MTMR12: variants seen among roughly 807,000 people sequenced by gnomAD.
MTMR12 encodes myotubularin-related protein 12.
A neutral mutation model predicts 96.7 loss-of-function variants in MTMR12; 33 were observed. The observed-to-expected ratio is 0.34, with a 90% confidence interval of 0.26 to 0.46. The LOEUF (loss-of-function observed/expected upper bound fraction) is 0.46. Ranked by LOEUF, MTMR12 falls within the 20% of genes least tolerant of loss-of-function variation. The probability of loss-of-function intolerance (pLI) is 1.00; values close to 1 mark genes in which losing one functional copy is unlikely to be tolerated. For missense variants in MTMR12, 721 were observed against 896.1 expected (o/e 0.80, Z 2.49); for synonymous variants, 298 against 327.2 (o/e 0.91, Z 0.96).
chr5:32,308,831 T>C (rs1476159695), intron 1 of MTMR12, among the ~76,000 whole-genome samples: 2 of 152,198 alleles, frequency 1.3e-5, no homozygotes, highest in Non-Finnish European at 2.9e-5. Flanking sequence ...TCTGGATCTC[T>C]TGGCCTCATG....
intron 2 of MTMR12, among the ~76,000 whole-genome samples, chr5:32,275,763 A>G (rs1344971021): frequency 6.6e-6 from 1 of 152,230 alleles, no homozygotes; most frequent in Non-Finnish European, 1.5e-5. Flanking sequence ...TTCTGAATCT[A>G]TAACACCAAG....
At chr5:32,303,971 G>A (rs1321610258) in intron 1 of MTMR12, among the ~76,000 whole-genome samples, 4 of 151,580 alleles carry the variant, frequency 2.6e-5, no homozygotes, top group Non-Finnish European at 5.9e-5. Context: ...TATGGATCAA[G>A]CATAATATCT....
At chr5:32,290,648 C>A (rs1344026273) in intron 1 of MTMR12, among the ~76,000 whole-genome samples, 1 of 152,178 alleles carries the variant, frequency 6.6e-6, no homozygotes, top group Non-Finnish European at 1.5e-5. Context: ...GGAGATGGCT[C>A]TGTAACAAGT....
Position 32,276,734 on chromosome 5 carries a change from G to A in MTMR12, c.90C>T (p.His30=), listed in dbSNP as rs922386918. 3.1e-6 allele frequency: 5 copies of A among 1,613,404 alleles called. No individual in the cohort carries two copies. In the East Asian group the frequency reaches 6.7e-5, roughly 22 times the overall value. Reference sequence around the variant, plus strand: ...TCTCTGTTACTTCCTTTTCGTTTGTGTGAATTTCCTAAAAGAGAAGAGCAA... The same window carrying A: ...TCTCTGTTACTTCCTTTTCGTTTGTATGAATTTCCTAAAAGAGAAGAGCAA... ...FVSYVRPEEI[H]TNEKEVTEKE... The change falls in exon 2 of 16, where the codon CAC becomes CAT. Residue 30 remains histidine (H), a synonymous_variant. Coordinates refer to ENST00000382142, the MANE Select transcript of MTMR12 (RefSeq NM_001040446.3).
At chr5:32,281,085 T>G (rs1055787952) in intron 1 of MTMR12, among the ~76,000 whole-genome samples, 37 of 151,576 alleles carry the variant, frequency 2.4e-4, no homozygotes, top group African/African-American at 8.7e-4. Flanking sequence ...ACGTCTCTAC[T>G]GAAAATACAA....
At chr5:32,282,641 A>G (rs1351823814) in intron 1 of MTMR12, among the ~76,000 whole-genome samples, 1 of 152,124 alleles carries the variant, frequency 6.6e-6, no homozygotes, top group Non-Finnish European at 1.5e-5. Flanking sequence ...ACCAGTCCCA[A>G]GAAGAGAAAT....
intron 6 of MTMR12, among the ~76,000 whole-genome samples, chr5:32,267,563 A>T (rs1476845382): frequency 1.3e-5 from 2 of 152,196 alleles, no homozygotes; most frequent in African/African-American, 2.4e-5. Flanking sequence ...AATGAAAAAC[A>T]TTTGGAACTT....
chr5:32,256,559 C>T (rs746087198), intron 7 of MTMR12, among the ~76,000 whole-genome samples: 3 of 152,190 alleles, frequency 2.0e-5, no homozygotes, highest in Non-Finnish European at 4.4e-5. Flanking sequence ...TACTTGGGGA[C>T]ATCATCTCTC....
At chr5:32,291,467 T>C (rs183607479) in intron 1 of MTMR12, among the ~76,000 whole-genome samples, 2 of 152,292 alleles carry the variant, frequency 1.3e-5, no homozygotes, top group East Asian at 1.9e-4. Flanking sequence ...ACAAAGAAAT[T>C]TGGGGAAGAG....
intron 1 of MTMR12, among the ~76,000 whole-genome samples, chr5:32,308,264 G>T (rs1050244839): frequency 6.6e-6 from 1 of 152,090 alleles, no homozygotes; most frequent in African/African-American, 2.4e-5. Context: ...GGAGGTTGCA[G>T]TGAGCCAAGT....
Position 32,299,491 on chromosome 5 carries a change from G to C in MTMR12, c.81+13267C>G, listed in dbSNP as rs567133849. ...ACGGATGTGACTGACAGCAGCTGCAGAGACACATGGCATTGCCATCTGTGC... is the reference window on the plus strand; with the variant it reads ...ACGGATGTGACTGACAGCAGCTGCACAGACACATGGCATTGCCATCTGTGC... On this transcript the variant is annotated intron_variant, in intron 1 of 15. Transcript: ENST00000382142. Among the ~76,000 whole-genome samples, 10 of 152,366 alleles carry C rather than the reference G, an allele frequency of 6.6e-5. No individual in the cohort carries two copies. The South Asian group carries it at 1.7e-3, about 25-fold the overall frequency.
At chr5:32,304,597 C>A (rs1190557737) in intron 1 of MTMR12, among the ~76,000 whole-genome samples, 2 of 152,176 alleles carry the variant, frequency 1.3e-5, no homozygotes, top group Non-Finnish European at 2.9e-5. Context: ...TGGAAGAACA[C>A]CCAACATCCT....
intron 1 of MTMR12, among the ~76,000 whole-genome samples, chr5:32,292,936 T>C (rs567183671): frequency 2.6e-5 from 4 of 152,368 alleles, no homozygotes; most frequent in South Asian, 2.1e-4. Context: ...TGTGCATATA[T>C]ACATGTTTTA....
chr5:32,260,796 A>C (rs1015730902), intron 7 of MTMR12, among the ~76,000 whole-genome samples: 2 of 151,694 alleles, frequency 1.3e-5, no homozygotes, highest in Non-Finnish European at 2.9e-5. Flanking sequence ...AAAACTGATT[A>C]CTGAAGAGGC....
rs138601965 is a variant in MTMR12, at chr5:32,285,865, C to T, written c.82-9123G>A. Among the ~76,000 whole-genome samples, 1,487 of 152,284 alleles carry T rather than the reference C, an allele frequency of 9.8e-3. 25 individuals are homozygous for T. The highest frequency in any genetic ancestry group is 0.041 in the Admixed American group (622 of 15,298). ...GCATCAAAAAAGTTGCCAACCTAAT[C>T]GCTTCTCAGAACTATGTTTCTGAGG... is the stretch of plus-strand genomic sequence containing the variant. On this transcript the variant is annotated intron_variant, in intron 1 of 15. Transcript: ENST00000382142.
chr5:32,295,557 T>C lies in MTMR12; in HGVS notation c.81+17201A>G, dbSNP rs565588170. Among the ~76,000 whole-genome samples, 20 of 152,346 alleles carry C rather than the reference T, an allele frequency of 1.3e-4. No individual in the cohort carries two copies. The East Asian group carries it at 3.1e-3, about 23-fold the overall frequency. ...ACCTGTATTCATTTCAGAGGGCTAC[T>C]TGGAAACTCAACAGAGCATTTCAGA... On this transcript the variant is annotated intron_variant, in intron 1 of 15. Transcript: ENST00000382142.
rs748666077 is a variant in MTMR12 at position 32,233,727 on chromosome 5, C to CG, written c.1674+45dup. The CG allele has an allele frequency of 6.1e-5, 99 of 1,612,280 alleles. 1 individual carries two copies. In the African/African-American group the frequency reaches 1.3e-3, roughly 20 times the overall value. ...TAAGTACCTTTTATCATTACATGCA[C>CG]GGGGTCTGGGCAGCTGAAGGGGGTT... is the stretch of plus-strand genomic sequence containing the variant. On this transcript the variant is annotated intron_variant, in intron 15 of 15. Transcript: ENST00000382142. This position sits in a 1 kb window ranked among gnomAD's most constrained non-coding sequence, Gnocchi z 5.0.
chr5:32,299,605 G>C (rs1751057604), intron 1 of MTMR12, among the ~76,000 whole-genome samples: 1 of 152,234 alleles, frequency 6.6e-6, no homozygotes, highest in Non-Finnish European at 1.5e-5. Flanking sequence ...GGAGCAGGAA[G>C]AAGGCAAGAG....
At chr5:32,256,483 A>G (rs1749137323) in intron 7 of MTMR12, among the ~76,000 whole-genome samples, 3 of 152,244 alleles carry the variant, frequency 2.0e-5, no homozygotes, top group African/African-American at 4.8e-5. Flanking sequence ...CTATAGGAGA[A>G]AATTTAGTCT....
Sources: gnomAD v4.1 joint callset for allele counts (sites outside exome capture counted in the v4.1 genomes callset) on GRCh38, gnomAD v4.1.1 for gene constraint, Gnocchi (gnomAD v3.1) non-coding constraint, MANE v1.5 for transcripts, NCBI Gene and HGNC (gene_info 2026-07-23, HGNC 2026-07-21) for gene names.